The following RASGRF2 variants were observed in gnomAD, a reference collection of about 807,000 sequenced individuals.
The protein encoded by RASGRF2 is Ras protein specific guanine nucleotide releasing factor 2, also known as ras-specific guanine nucleotide-releasing factor 2.
A neutral mutation model predicts 151.0 loss-of-function variants in RASGRF2; 76 were observed. The observed-to-expected ratio is 0.50, with a 90% confidence interval of 0.42 to 0.61. The LOEUF is 0.61. RASGRF2 is among the 20% of genes least tolerant of loss of function. The pLI is 0.00. For synonymous variants in RASGRF2, 504 were observed against 566.5 expected, an observed-to-expected ratio of 0.89 and a Z score of 1.57; for missense variants, 1,148 against 1,564.6, an observed-to-expected ratio of 0.73 and a Z score of 4.49.
intron 15 of RASGRF2, among the ~76,000 whole-genome samples, chr5:81,116,828 G>C (rs900356436): frequency 6.6e-6 from 1 of 152,120 alleles, no homozygotes; most frequent in Non-Finnish European, 1.5e-5. Flanking sequence ...TTAGTGTAAT[G>C]TCCTCAAGGT....
intron 17 of RASGRF2, among the ~76,000 whole-genome samples, chr5:81,161,361 C>T: frequency 6.6e-6 from 1 of 152,202 alleles, no homozygotes; most frequent in African/African-American, 2.4e-5. Flanking sequence ...GTTGGTCATA[C>T]TGAGAGAGAA....
intron 1 of RASGRF2, among the ~76,000 whole-genome samples, chr5:81,008,622 C>G (rs542147289): frequency 5.9e-5 from 9 of 152,252 alleles, no homozygotes; most frequent in African/African-American, 1.9e-4. Context: ...CAGCATGACA[C>G]TTTCAAAAAT....
chr5:81,182,479 GA>G (rs1754938252), intron 18 of RASGRF2, among the ~76,000 whole-genome samples: 3 of 152,200 alleles, frequency 2.0e-5, no homozygotes, highest in African/African-American at 7.2e-5. Context: ...CACTTAATGG[GA>G]ATTGCTTTAG....
At chr5:81,046,499 G>A (rs894914349) in intron 2 of RASGRF2, among the ~76,000 whole-genome samples, 3 of 151,992 alleles carry the variant, frequency 2.0e-5, no homozygotes, top group Non-Finnish European at 2.9e-5. Context: ...TCTAGAACAC[G>A]GGCACATTTA....
intron 18 of RASGRF2, among the ~76,000 whole-genome samples, chr5:81,188,142 C>G (rs539765438): frequency 1.6e-4 from 24 of 152,326 alleles, no homozygotes; most frequent in African/African-American, 5.8e-4. Context: ...CCCTCCTCAT[C>G]CATCCGGGCT....
Position 81,113,596 on chromosome 5 carries a change from G to A in RASGRF2, c.2146G>A (p.Gly716Ser). ...CAACAGAGGTGAACATTTGGTGGATGGCAAATCCCCACGTCTGTGTCGCAA... is the reference window on the plus strand; with the variant it reads ...CAACAGAGGTGAACATTTGGTGGATAGCAAATCCCCACGTCTGTGTCGCAA... Reference protein sequence around the residue: ...QNNRGEHLVDGKSPRLCRKFS... With the variant: ...QNNRGEHLVDSKSPRLCRKFS... Residue 716 changes from glycine to serine, a missense_variant, in exon 15 of 27, where the codon GGC becomes AGC. Transcript: ENST00000265080. 3 of 1,608,014 alleles carry A rather than the reference G, an allele frequency of 1.9e-6. No homozygotes were observed. The highest frequency in any genetic ancestry group is 1.1e-5 in the South Asian group (1 of 90,976).
intron 1 of RASGRF2, among the ~76,000 whole-genome samples, chr5:80,962,808 T>C (rs1747606671): frequency 6.6e-6 from 1 of 152,250 alleles, no homozygotes; most frequent in South Asian, 2.1e-4. Context: ...TGCCACTTTC[T>C]AATGGTTGTC....
intron 10 of RASGRF2, 121 bp downstream of exon 10, chr5:81,093,082 A>G (rs1250094220): frequency 1.2e-5 from 13 of 1,050,500 alleles, no homozygotes; most frequent in Non-Finnish European, 1.8e-5. Context: ...TGATTGCATA[A>G]TGAGTGAGGT....
At chr5:81,035,108 CTG>C (rs2112374631) in intron 1 of RASGRF2, among the ~76,000 whole-genome samples, 1 of 152,222 alleles carries the variant, frequency 6.6e-6, no homozygotes, top group East Asian at 1.9e-4. Context: ...CATCCCATTA[CTG>C]TGTATATACC....
intron 17 of RASGRF2, among the ~76,000 whole-genome samples, chr5:81,151,145 C>T (rs1328307170): frequency 6.6e-6 from 1 of 152,294 alleles, no homozygotes; most frequent in Non-Finnish European, 1.5e-5. Context: ...TTAGGTGTCA[C>T]AAGATATCTG....
At chr5:81,181,065 C>T (rs1754905954) in intron 18 of RASGRF2, among the ~76,000 whole-genome samples, 1 of 152,152 alleles carries the variant, frequency 6.6e-6, no homozygotes, top group Non-Finnish European at 1.5e-5. Context: ...TGGCTCAGAG[C>T]AGAACATGTG....
Position 80,961,018 on chromosome 5 carries a change from G to T in RASGRF2, c.280G>T (p.Asp94Tyr). 6.7e-7 allele frequency: 1 copy of T among 1,497,098 alleles called. No homozygotes were observed. The highest frequency in any genetic ancestry group is 8.9e-7 in the Non-Finnish European group (1 of 1,117,558). The allele number at this position is 1,497,098 out of a possible 1,614,324, so 92.7% of individuals were successfully genotyped here. A position where few individuals can be genotyped will look rare whatever the true frequency, so the allele number is the denominator to read the frequency against. ...AGQGGVRDAL[D>Y]KQYYFTVLFG... ...GCAGGGAGGCGTCCGAGACGCGCTGGACAAGCAGGTACCGCGCGCCTTCTC... is the reference window on the plus strand; with the variant it reads ...GCAGGGAGGCGTCCGAGACGCGCTGTACAAGCAGGTACCGCGCGCCTTCTC... The change falls in exon 1 of 27, where the codon GAC (aspartate) becomes TAC (tyrosine). Residue 94 changes from aspartate (D) to tyrosine (Y), a missense_variant. Transcript: ENST00000265080.
intron 11 of RASGRF2, 127 bp from the exon 12 acceptor site, chr5:81,094,729 G>A (rs565141153): frequency 1.6e-5 from 16 of 1,023,244 alleles, no homozygotes; most frequent in East Asian, 2.7e-5. Context: ...TGAGAAGTAC[G>A]ATATTGCTGA....
intron 17 of RASGRF2, among the ~76,000 whole-genome samples, chr5:81,166,127 G>C (rs534807082): frequency 6.6e-6 from 1 of 152,060 alleles, no homozygotes; most frequent in Non-Finnish European, 1.5e-5. Context: ...CAGGACCAAA[G>C]CACCAGCGGA....
At chr5:81,029,471 G>A (rs1561564238) in intron 1 of RASGRF2, among the ~76,000 whole-genome samples, 1 of 152,216 alleles carries the variant, frequency 6.6e-6, no homozygotes, top group South Asian at 2.1e-4. Flanking sequence ...GGATCAGGCA[G>A]CAACATTTAC....
At chr5:81,153,361 G>A (rs1233030562) in intron 17 of RASGRF2, among the ~76,000 whole-genome samples, 1 of 152,244 alleles carries the variant, frequency 6.6e-6, no homozygotes, top group Admixed American at 6.5e-5. Flanking sequence ...AAAAGTGGAA[G>A]AGGGAGGCAG....
chr5:80,961,369 T>C (rs763277322), intron 1 of RASGRF2, among the ~76,000 whole-genome samples: 4 of 152,220 alleles, frequency 2.6e-5, no homozygotes, highest in Non-Finnish European at 4.4e-5. Flanking sequence ...GTGACATGTA[T>C]TGACACCTGT....
intron 17 of RASGRF2, among the ~76,000 whole-genome samples, chr5:81,127,855 C>T (rs983152664): frequency 7.8e-6 from 1 of 128,868 alleles, no homozygotes; most frequent in Non-Finnish European, 1.6e-5. Flanking sequence ...ACCTGGGAGG[C>T]GGAGGTTGCA....
chr5:81,192,188 G>A (rs1755166586), intron 18 of RASGRF2, among the ~76,000 whole-genome samples: 1 of 152,186 alleles, frequency 6.6e-6, no homozygotes, highest in Non-Finnish European at 1.5e-5. Context: ...TTAATTGTCT[G>A]TGGGTTTTAC....
Sources: allele counts gnomAD v4.1 joint callset (sites outside exome capture counted in the v4.1 genomes callset), GRCh38; gene constraint gnomAD v4.1.1; transcripts MANE v1.5; gene names NCBI Gene and HGNC (gene_info 2026-07-23, HGNC 2026-07-21).